DOT1L: variants seen among roughly 807,000 people sequenced by gnomAD.
The protein encoded by DOT1L is DOT1 like histone lysine methyltransferase.
DOT1L carries 33 observed loss-of-function variants against 153.3 expected under a neutral mutation model. That is an observed-to-expected ratio of 0.22 (90% CI 0.16 to 0.29). DOT1L has a LOEUF of 0.29. Among genes scored for constraint, DOT1L ranks in the 10% least tolerant of loss-of-function variants. DOT1L has a pLI of 1.00. For synonymous variants in DOT1L, 1,135 were observed against 965.1 expected (o/e 1.18, Z -3.26); for missense variants, 1,847 against 2,119.9 (o/e 0.87, Z 2.53).
rs1228642074 is a variant in DOT1L at position 2,191,316 on chromosome 19, G to A, written c.493+76G>A. 2 of 1,469,100 alleles carry A rather than the reference G, an allele frequency of 1.4e-6. No homozygotes were observed. The highest frequency in any genetic ancestry group is 1.4e-5 in the African/African-American group (1 of 72,082). The allele number at this position is 1,469,100 out of a possible 1,614,324, so 91.0% of individuals were successfully genotyped here. ...TCTGTGCCTGCCCCATGCCTGCTTG[G>A]AGAAGAGTTTATCAGGGACTTGCGA... On this transcript the variant is annotated intron_variant, in intron 5 of 27. Coordinates refer to ENST00000398665, the MANE Select transcript of DOT1L (RefSeq NM_032482.3). The surrounding 1 kb of genome is among the most constrained non-coding windows in gnomAD (Gnocchi z 6.8).
chr19:2,176,644 G>A (rs1483659377), intron 1 of DOT1L, among the ~76,000 whole-genome samples: 1 of 152,198 alleles, frequency 6.6e-6, no homozygotes, highest in Non-Finnish European at 1.5e-5. Flanking sequence ...ATCCTAGGAA[G>A]GGGGACTTGG....
Position 2,229,984 on chromosome 19 carries a change from TTA to T in DOT1L, c.*193_*194del. 1 of 802,562 alleles carries T rather than the reference TTA, an allele frequency of 1.2e-6. No homozygotes were observed. Among genetic ancestry groups the T allele is most frequent in the Non-Finnish European group, 1.9e-6 (1 of 515,526 alleles). 49.7% of individuals were successfully genotyped at this position (802,562 alleles called of 1,614,324 possible). Reference sequence around the variant, plus strand: ...GGTCCAGTTTGTACTGTCGATAGTTTTAGATAAAGTATTTATCATTTTTTAAA... The same window carrying T: ...GGTCCAGTTTGTACTGTCGATAGTTTGATAAAGTATTTATCATTTTTTAAA... On this transcript the variant is annotated 3_prime_UTR_variant, in exon 28 of 28. Transcript: ENST00000398665.
intron 1 of DOT1L, among the ~76,000 whole-genome samples, chr19:2,164,849 C>T (rs1020708971): frequency 6.6e-6 from 1 of 152,138 alleles, no homozygotes; most frequent in African/African-American, 2.4e-5. Flanking sequence ...TGCCCTGGCC[C>T]TGGGAAATTA....
At chr19:2,189,887 C>A in intron 4 of DOT1L, 92 bp downstream of exon 4, 1 of 1,403,752 alleles carries the variant, frequency 7.1e-7, no homozygotes, top group African/African-American at 1.4e-5. Context: ...GGGCACAGAG[C>A]TCCCCTTAGA....
At chr19:2,229,642 G>A in intron 27 of DOT1L, 143 bp from the exon 28 acceptor site, 1 of 1,586,134 alleles carries the variant, frequency 6.3e-7, no homozygotes. Context: ...GGTTAGAGGA[G>A]CTGGCACTAT....
chr19:2,224,108 G>A (rs896966763), intron 25 of DOT1L, among the ~76,000 whole-genome samples: 4 of 152,218 alleles, frequency 2.6e-5, no homozygotes, highest in Admixed American at 6.5e-5. Context: ...CTCACTGAGC[G>A]TGACGTCCTC....
intron 1 of DOT1L, among the ~76,000 whole-genome samples, chr19:2,168,911 G>A (rs1041950058): frequency 6.6e-6 from 1 of 152,196 alleles, no homozygotes; most frequent in Admixed American, 6.5e-5. Flanking sequence ...ACCGTGCCTG[G>A]CCCTGCGTGG....
rs372362659 is a variant in DOT1L, at chr19:2,197,240, T to A, written c.652-2644T>A. Reference sequence around the variant, plus strand: ...CCGGCTCTCCTTCCCTTTCTCATGGTGATTGTTCCCAAATGCTGTGCCCAC... The same window carrying A: ...CCGGCTCTCCTTCCCTTTCTCATGGAGATTGTTCCCAAATGCTGTGCCCAC... On this transcript the variant is annotated intron_variant, in intron 7 of 27. Transcript: ENST00000398665. The surrounding 1 kb of genome is among the most constrained non-coding windows in gnomAD (Gnocchi z 4.1). Among the ~76,000 whole-genome samples, 6 of 152,214 alleles carry A rather than the reference T, an allele frequency of 3.9e-5. No individual in the cohort carries two copies. In the South Asian group the frequency reaches 1.2e-3, roughly 32 times the overall value.
intron 2 of DOT1L, among the ~76,000 whole-genome samples, chr19:2,182,627 G>T (rs1217721453): frequency 6.6e-6 from 1 of 152,186 alleles, no homozygotes; most frequent in Non-Finnish European, 1.5e-5. Flanking sequence ...GTCTCTCTGG[G>T]TTAGGATCTC....
At chr19:2,225,350 C>A in intron 25 of DOT1L, 38 bp from the exon 26 acceptor site, 1 of 1,586,124 alleles carries the variant, frequency 6.3e-7, no homozygotes, top group Non-Finnish European at 8.7e-7. Flanking sequence ...TAGTATGCAG[C>A]TGGGTTTCAA....
At chr19:2,185,337 G>A (rs184114474) in intron 2 of DOT1L, among the ~76,000 whole-genome samples, 16 of 152,354 alleles carry the variant, frequency 1.1e-4, no homozygotes, top group Admixed American at 6.5e-4. Flanking sequence ...TCGAAGCCAC[G>A]TAATACCTGT....
At position 2,193,362 on chromosome 19, in the gene DOT1L, G is replaced by A. The variant is rs2022880669; in HGVS notation, c.494-327G>A. Among the ~76,000 whole-genome samples, 1 of 152,232 alleles carries A rather than the reference G, an allele frequency of 6.6e-6. No individual in the cohort carries two copies. The highest frequency in any genetic ancestry group is 1.5e-5 in the Non-Finnish European group (1 of 68,042). ...GGTGGACGGCAGCCTTTCCAGACCT[G>A]CAAAGTCTTGGGCAGCCCTGTCTGT... On this transcript the variant is annotated intron_variant, in intron 5 of 27. Coordinates refer to ENST00000398665, the MANE Select transcript of DOT1L (RefSeq NM_032482.3). This position sits in a 1 kb window ranked among gnomAD's most constrained non-coding sequence, Gnocchi z 5.9.
intron 1 of DOT1L, among the ~76,000 whole-genome samples, chr19:2,175,033 C>T (rs531179565): frequency 7.0e-6 from 1 of 143,836 alleles, no homozygotes; most frequent in African/African-American, 2.6e-5. Flanking sequence ...GAGTCTTGCT[C>T]TGTTGCCCAG....
Position 2,220,282 on chromosome 19 carries a change from G to A in DOT1L, c.2806+60G>A, listed in dbSNP as rs1347187933. 1 of 1,528,110 alleles carries A rather than the reference G, an allele frequency of 6.5e-7. No individual in the cohort carries two copies. The highest frequency in any genetic ancestry group is 8.9e-7 in the Non-Finnish European group (1 of 1,123,816). The allele number at this position is 1,528,110 out of a possible 1,614,324, so 94.7% of individuals were successfully genotyped here. A position where few individuals can be genotyped will look rare whatever the true frequency, so the allele number is the denominator to read the frequency against. ...TGCTGCTGCTGCTGCTCTTCAGGCA[G>A]GAGGGCTGGGTTGCTGGGAGTGGAA... is the stretch of plus-strand genomic sequence containing the variant. On this transcript the variant is annotated intron_variant, in intron 23 of 27. Coordinates refer to ENST00000398665, the MANE Select transcript of DOT1L (RefSeq NM_032482.3). The surrounding 1 kb of genome is among the most constrained non-coding windows in gnomAD (Gnocchi z 4.5).
At chr19:2,168,445 G>C (rs1029652284) in intron 1 of DOT1L, among the ~76,000 whole-genome samples, 1 of 152,230 alleles carries the variant, frequency 6.6e-6, no homozygotes, top group African/African-American at 2.4e-5. Context: ...GCTGCTTGGA[G>C]GAGGGGCCAT....
At chr19:2,218,615 G>C (rs958934946) in intron 22 of DOT1L, among the ~76,000 whole-genome samples, 9 of 152,110 alleles carry the variant, frequency 5.9e-5, no homozygotes, top group East Asian at 3.9e-4. Flanking sequence ...GGATGGTCTT[G>C]ATCTCCTGAC....
In DOT1L at chr19:2,202,242, A is replaced by G. The variant is rs541013529; in HGVS notation, c.708-458A>G. Among the ~76,000 whole-genome samples the G allele has an allele frequency of 2.6e-5, 4 of 152,300 alleles. No homozygotes were observed. In the South Asian group the frequency reaches 6.2e-4, roughly 24 times the overall value. ...TGCCAGAGTGTCTGAAATGCTGCCAAGGGCGCCTCACCTGGGACCCGTTGT... is the reference window on the plus strand; with the variant it reads ...TGCCAGAGTGTCTGAAATGCTGCCAGGGGCGCCTCACCTGGGACCCGTTGT... On this transcript the variant is annotated intron_variant, in intron 8 of 27. Coordinates refer to ENST00000398665, the MANE Select transcript of DOT1L (RefSeq NM_032482.3).
chr19:2,166,970 C>T (rs2019945909), intron 1 of DOT1L, among the ~76,000 whole-genome samples: 1 of 152,214 alleles, frequency 6.6e-6, no homozygotes, highest in African/African-American at 2.4e-5. Context: ...AGCATGTTGC[C>T]CTTTGGTCCT....
intron 1 of DOT1L, among the ~76,000 whole-genome samples, chr19:2,175,148 A>G (rs1056100309): frequency 6.6e-6 from 1 of 151,656 alleles, no homozygotes; most frequent in Non-Finnish European, 1.5e-5. Context: ...ACAGGCGCCC[A>G]CCACCACGCC....
Sources: gnomAD v4.1 joint callset for allele counts (sites outside exome capture counted in the v4.1 genomes callset) on GRCh38, gnomAD v4.1.1 for gene constraint, Gnocchi (gnomAD v3.1) non-coding constraint, MANE v1.5 for transcripts, NCBI Gene and HGNC (gene_info 2026-07-23, HGNC 2026-07-21) for gene names.